FBXW10B: variants seen among roughly 807,000 people sequenced by gnomAD.
FBXW10B encodes the protein F-box and WD repeat domain containing protein 10B.
At chr17:15,613,225 T>TA in the FBXW10B span, among the ~76,000 whole-genome samples, 1 of 151,408 alleles carries the variant, frequency 6.6e-6, no homozygotes, top group Non-Finnish European at 1.5e-5. Flanking sequence ...CATTTTAACT[T>TA]AAAAAAATAC....
the FBXW10B span, among the ~76,000 whole-genome samples, chr17:15,567,144 C>A: frequency 1.3e-5 from 2 of 151,546 alleles, no homozygotes; most frequent in African/African-American, 4.8e-5. Flanking sequence ...TGGTGGCAGG[C>A]GCCTGTAATC....
chr17:15,607,859 T>C, the FBXW10B span, among the ~76,000 whole-genome samples: 1 of 138,226 alleles, frequency 7.2e-6, no homozygotes, highest in South Asian at 2.2e-4. Flanking sequence ...AAGGAAACCA[T>C]GAGTTAGAAA....
At chr17:15,591,539 C>G in the FBXW10B span, among the ~76,000 whole-genome samples, 3 of 152,302 alleles carry the variant, frequency 2.0e-5, no homozygotes, top group African/African-American at 4.8e-5. Flanking sequence ...CCACCCACCT[C>G]GGCCTCCCAA....
chr17:15,583,978 C>T, the FBXW10B span, among the ~76,000 whole-genome samples: 1 of 152,134 alleles, frequency 6.6e-6, no homozygotes, highest in East Asian at 1.9e-4. Flanking sequence ...ATGGTGCTCT[C>T]ATATAGTGCT....
the FBXW10B span, among the ~76,000 whole-genome samples, chr17:15,600,900 C>A: frequency 1.4e-5 from 2 of 142,094 alleles, no homozygotes; most frequent in Non-Finnish European, 3.1e-5. Flanking sequence ...TACAAAAAAA[C>A]ATTAGCCAGG....
chr17:15,611,211 A>T, the FBXW10B span, among the ~76,000 whole-genome samples: 2,906 of 151,872 alleles, frequency 0.019, 53 homozygotes, highest in African/African-American at 0.054. Context: ...TTTAGTAGAG[A>T]CAGGGTTTCA....
chr17:15,578,411 T>C, the FBXW10B span, among the ~76,000 whole-genome samples: 3 of 151,944 alleles, frequency 2.0e-5, no homozygotes, highest in East Asian at 5.8e-4. Flanking sequence ...CTTCATTCTT[T>C]ATAAATTGTG....
chr17:15,607,619 C>A, the FBXW10B span: 3 of 1,613,862 alleles, frequency 1.9e-6, no homozygotes, highest in Non-Finnish European at 2.5e-6. Flanking sequence ...GAAAACATTT[C>A]TCTCCTCCAT....
the FBXW10B span, chr17:15,615,515 A>T: frequency 3.7e-4 from 536 of 1,459,460 alleles, 2 homozygotes; most frequent in African/African-American, 6.7e-3. Flanking sequence ...GGGTTTCACC[A>T]TGTTAGCCAG....
chr17:15,601,067 A>AAAAAAAT, the FBXW10B span, among the ~76,000 whole-genome samples: 1 of 147,678 alleles, frequency 6.8e-6, no homozygotes, highest in Non-Finnish European at 1.5e-5. Flanking sequence ...AAAAAAAAAA[A>AAAAAAAT]AAAGATAATA....
chr17:15,617,972 T>C, the FBXW10B span, among the ~76,000 whole-genome samples: 1 of 152,236 alleles, frequency 6.6e-6, no homozygotes, highest in Non-Finnish European at 1.5e-5. Context: ...ACCCTAGGCC[T>C]GTGATTCTCA....
chr17:15,602,689 C>T, the FBXW10B span, among the ~76,000 whole-genome samples: 1 of 105,838 alleles, frequency 9.4e-6, no homozygotes, highest in East Asian at 3.0e-4. Context: ...TGCAGTGGCG[C>T]AATCTCGGCT....
chr17:15,593,798 T>G, the FBXW10B span, among the ~76,000 whole-genome samples: 1 of 152,070 alleles, frequency 6.6e-6, no homozygotes, highest in Non-Finnish European at 1.5e-5. Flanking sequence ...CTGGCTAATT[T>G]TTTTGTATTT....
At chr17:15,608,391 A>T in the FBXW10B span, among the ~76,000 whole-genome samples, 53 of 151,426 alleles carry the variant, frequency 3.5e-4, no homozygotes, top group African/African-American at 1.1e-3. Context: ...CGATCTCTTG[A>T]CCTTGTGATC....
At chr17:15,569,006 C>T in the FBXW10B span, 23 of 1,211,798 alleles carry the variant, frequency 1.9e-5, no homozygotes, top group Admixed American at 4.2e-5. Flanking sequence ...ACTCAACTGG[C>T]AGATAGGTCT....
chr17:15,596,800 C>T, the FBXW10B span: 13 of 1,150,960 alleles, frequency 1.1e-5, no homozygotes, highest in Admixed American at 2.5e-5. Flanking sequence ...AAGGACTTCC[C>T]GTGGCCTAGC....
chr17:15,576,580 T>C, the FBXW10B span, among the ~76,000 whole-genome samples: 1 of 152,252 alleles, frequency 6.6e-6, no homozygotes, highest in Non-Finnish European at 1.5e-5. Flanking sequence ...CAGAGACATC[T>C]GTATTTTGAT....
chr17:15,613,339 G>A, the FBXW10B span, among the ~76,000 whole-genome samples: 13 of 144,996 alleles, frequency 9.0e-5, no homozygotes, highest in Non-Finnish European at 1.6e-4. Context: ...GGGGGCTGGG[G>A]GTTCTCTGCT....
the FBXW10B span, chr17:15,598,724 G>C: frequency 6.3e-7 from 1 of 1,584,490 alleles, no homozygotes; most frequent in Non-Finnish European, 8.6e-7. Context: ...TAGAACCCAT[G>C]TAGATAATTA....
Sources: gnomAD v4.1 joint callset for allele counts (sites outside exome capture counted in the v4.1 genomes callset) on GRCh38, gnomAD v4.1.1 for gene constraint, MANE v1.5 for transcripts, NCBI Gene and HGNC (gene_info 2026-07-23, HGNC 2026-07-21) for gene names.